The following PRDM2 variants were observed in gnomAD, a reference collection of about 807,000 sequenced individuals.
PRDM2 encodes PR/SET domain 2.
Under a neutral mutation model 130.0 loss-of-function variants are expected in PRDM2, and 30 were observed. That is an observed-to-expected ratio of 0.23 (90% CI 0.17 to 0.31). The LOEUF is 0.31. Among genes scored for constraint, PRDM2 ranks in the 10% least tolerant of loss-of-function variants. The pLI is 1.00. For missense variants in PRDM2, 2,011 were observed against 2,108.4 expected, an observed-to-expected ratio of 0.95 and a Z score of 0.90; for synonymous variants, 871 against 782.4, an observed-to-expected ratio of 1.11 and a Z score of -1.89.
chr1:13,712,783 T>G (rs1297698809), intron 1 of PRDM2, among the ~76,000 whole-genome samples: 3 of 143,382 alleles, frequency 2.1e-5, no homozygotes, highest in Non-Finnish European at 3.1e-5. Context: ...AAAAAAGAAA[T>G]AAAATCTATC....
In PRDM2 at chr1:13,823,936, C is replaced by A. The variant is rs1645394785; in HGVS notation, c.*801C>A. On this transcript the variant is annotated 3_prime_UTR_variant, in exon 10 of 10. Transcript: ENST00000311066. ...GAGGGATCTCCTGCGCCCTTCATTG[C>A]CACACTTGGTGGGACCATGAACATC... 1 of 152,178 alleles carries A rather than the reference C, an allele frequency of 6.6e-6. No homozygotes were observed. Among genetic ancestry groups the A allele is most frequent in the African/African-American group, 2.4e-5 (1 of 41,416 alleles). The allele number at this position is 152,178 out of a possible 1,614,324, so 9.4% of individuals were successfully genotyped here. A position where few individuals can be genotyped will look rare whatever the true frequency, so the allele number is the denominator to read the frequency against.
intron 8 of PRDM2, among the ~76,000 whole-genome samples, chr1:13,785,776 T>C (rs1644721059): frequency 6.7e-6 from 1 of 149,722 alleles, no homozygotes; most frequent in African/African-American, 2.5e-5. Flanking sequence ...AGAGGTGTAT[T>C]CTCTACTCAC....
At position 13,782,000 on chromosome 1, in the gene PRDM2, G is replaced by C. The variant is rs763499148; in HGVS notation, c.4205G>C (p.Arg1402Thr). 1.9e-6 allele frequency: 3 copies of C among 1,614,042 alleles called. No individual in the cohort carries two copies. The African/African-American group carries it at 4.0e-5, about 22-fold the overall frequency. ...TTCCGACGAATGGGACAGCCCAAAAGGCTTAACTTTAGTGTTGAGCTCAGC... is the reference window on the plus strand; with the variant it reads ...TTCCGACGAATGGGACAGCCCAAAACGCTTAACTTTAGTGTTGAGCTCAGC... Reference protein sequence around the residue: ...NAFRRMGQPKRLNFSVELSKM... With the variant: ...NAFRRMGQPKTLNFSVELSKM... The change falls in exon 8 of 10, where the codon AGG becomes ACG. Residue 1402 changes from arginine to threonine, a missense_variant. Transcript: ENST00000311066. This position sits in a 1 kb window ranked among gnomAD's most constrained non-coding sequence, Gnocchi z 6.1.
chr1:13,759,875 A>G (rs1178221966), intron 6 of PRDM2, among the ~76,000 whole-genome samples: 5 of 152,190 alleles, frequency 3.3e-5, no homozygotes, highest in Non-Finnish European at 7.3e-5. Flanking sequence ...AATAAATATC[A>G]TATGTTGTCA....
At chr1:13,721,085 G>A (rs967059449) in intron 2 of PRDM2, among the ~76,000 whole-genome samples, 1 of 152,140 alleles carries the variant, frequency 6.6e-6, no homozygotes, top group Non-Finnish European at 1.5e-5. Flanking sequence ...TTCCTATTCT[G>A]GGGTTTCATA....
chr1:13,758,305 G>A (rs1037402222), intron 6 of PRDM2, among the ~76,000 whole-genome samples: 4 of 152,016 alleles, frequency 2.6e-5, no homozygotes, highest in South Asian at 4.2e-4. Context: ...TTAGCTGGGC[G>A]TGGTGGTGGC....
chr1:13,818,614 T>C (rs1476756169), intron 9 of PRDM2, among the ~76,000 whole-genome samples: 1 of 151,830 alleles, frequency 6.6e-6, no homozygotes, highest in African/African-American at 2.4e-5. Flanking sequence ...CTTGATCTCC[T>C]GACCTCATGA....
At chr1:13,800,558 C>T (rs536059351) in intron 8 of PRDM2, among the ~76,000 whole-genome samples, 11 of 152,200 alleles carry the variant, frequency 7.2e-5, no homozygotes, top group Middle Eastern at 3.4e-3. Flanking sequence ...ATCAAGGGAA[C>T]GGCACCAGGG....
At chr1:13,802,205 C>G (rs1283526738) in intron 8 of PRDM2, among the ~76,000 whole-genome samples, 1 of 152,180 alleles carries the variant, frequency 6.6e-6, no homozygotes, top group Non-Finnish European at 1.5e-5. Context: ...AGCGTCATCC[C>G]CGTGTTGAAC....
chr1:13,807,994 T>C (rs1379651250), intron 8 of PRDM2, among the ~76,000 whole-genome samples: 1 of 152,128 alleles, frequency 6.6e-6, no homozygotes, highest in Non-Finnish European at 1.5e-5. Flanking sequence ...GTCCATTAGT[T>C]TTTGTTCTAA....
intron 8 of PRDM2, among the ~76,000 whole-genome samples, chr1:13,789,948 G>A (rs1274104683): frequency 6.6e-6 from 1 of 152,244 alleles, no homozygotes; most frequent in Non-Finnish European, 1.5e-5. Flanking sequence ...CAGCCTCAGT[G>A]AAGGTTCTGG....
At chr1:13,731,405 T>C (rs1164791959) in intron 3 of PRDM2, among the ~76,000 whole-genome samples, 2 of 152,212 alleles carry the variant, frequency 1.3e-5, no homozygotes, top group Non-Finnish European at 2.9e-5. Flanking sequence ...GTCTCCCTGC[T>C]GAGCCTCACC....
rs550254720 is a variant in PRDM2 at position 13,806,237 on chromosome 1, C to T, written c.5037-10190C>T. Among the ~76,000 whole-genome samples, 6 of 140,802 alleles carry T rather than the reference C, an allele frequency of 4.3e-5. No individual in the cohort carries two copies. Among genetic ancestry groups the T allele is most frequent in the East Asian group, 2.2e-4 (1 of 4,648 alleles). 92.4% of individuals were successfully genotyped at this position (140,802 alleles called of 152,430 possible). On this transcript the variant is annotated intron_variant, in intron 8 of 9. Transcript: ENST00000311066. The surrounding 1 kb of genome is among the most constrained non-coding windows in gnomAD (Gnocchi z 4.1). ...CATTACCAGCTGCTCCCCCGCATCC[C>T]GCCTCCATCCCTGGGCTCTGTCCCC...
chr1:13,708,441 A>C (rs1025448211), intron 1 of PRDM2, among the ~76,000 whole-genome samples: 9 of 152,208 alleles, frequency 5.9e-5, no homozygotes, highest in Admixed American at 5.9e-4. Context: ...CTGCAGCTCC[A>C]AAGCCACTGA....
intron 2 of PRDM2, 106 bp downstream of exon 2, chr1:13,715,720 AT>A: frequency 9.3e-7 from 1 of 1,074,606 alleles, no homozygotes. Context: ...CTGGATTCTC[AT>A]TTTTGTTTCT....
At chr1:13,723,838 C>T (rs115717211) in intron 2 of PRDM2, among the ~76,000 whole-genome samples, 2,242 of 152,292 alleles carry the variant, frequency 0.015, 26 homozygotes, top group South Asian at 0.036. Context: ...TTTGTTTGCC[C>T]GTTCGCAGTG....
At chr1:13,760,763 C>T (rs1313466488) in intron 6 of PRDM2, among the ~76,000 whole-genome samples, 1 of 151,990 alleles carries the variant, frequency 6.6e-6, no homozygotes, top group African/African-American at 2.4e-5. Flanking sequence ...ATTCCTGGCA[C>T]ACCAACCTTT....
intron 6 of PRDM2, chr1:13,769,269 G>A: frequency 1.5e-6 from 1 of 666,478 alleles, no homozygotes; most frequent in South Asian, 6.7e-5. Context: ...CTCTGTAAAT[G>A]TCCTTATGGG....
At chr1:13,801,643 A>C (rs1276153715) in intron 8 of PRDM2, among the ~76,000 whole-genome samples, 1 of 152,246 alleles carries the variant, frequency 6.6e-6, no homozygotes. Flanking sequence ...TGGGAAGATT[A>C]AATTCATTAT....
Sources: allele counts gnomAD v4.1 joint callset (sites outside exome capture counted in the v4.1 genomes callset), GRCh38; gene constraint gnomAD v4.1.1; non-coding constraint Gnocchi (gnomAD v3.1); transcripts MANE v1.5; gene names NCBI Gene and HGNC (gene_info 2026-07-23, HGNC 2026-07-21).